GMDS: variants seen among roughly 807,000 people sequenced by gnomAD.
GMDS encodes GDP-mannose 4,6-dehydratase, also known as GDP-mannose 4,6 dehydratase.
A neutral mutation model predicts 49.9 loss-of-function variants in GMDS; 20 were observed. The observed-to-expected ratio is 0.40, with a 90% CI of 0.28 to 0.58. The LOEUF (loss-of-function observed/expected upper bound fraction) is 0.58, where lower values mean the gene tolerates loss of function less well. Among genes scored for constraint, GMDS ranks in the 20% least tolerant of loss-of-function variants. The pLI is 0.42. For synonymous variants in GMDS, 177 were observed against 178.6 expected, an observed-to-expected ratio of 0.99 and a Z score of 0.07; for missense variants, 362 against 481.4, an observed-to-expected ratio of 0.75 and a Z score of 2.32.
At chr6:2,028,694 C>A (rs1460176517) in intron 4 of GMDS, among the ~76,000 whole-genome samples, 1 of 152,178 alleles carries the variant, frequency 6.6e-6, no homozygotes, top group Admixed American at 6.5e-5. Flanking sequence ...ATGATAAGCA[C>A]AGTCTACAAA....
At chr6:1,996,467 G>C (rs1172952885) in intron 4 of GMDS, among the ~76,000 whole-genome samples, 2 of 152,214 alleles carry the variant, frequency 1.3e-5, no homozygotes, top group African/African-American at 2.4e-5. Flanking sequence ...AGAAAAGCTA[G>C]AGAAGTTTAA....
chr6:1,853,669 C>T (rs984533614), intron 7 of GMDS, among the ~76,000 whole-genome samples: 8 of 152,016 alleles, frequency 5.3e-5, no homozygotes, highest in Admixed American at 1.3e-4. Context: ...AGCCACAGAG[C>T]CTAATGAAAA....
rs559305380 is a variant in GMDS at position 1,830,650 on chromosome 6, A to ATGTAGT, written c.772-88070_772-88065dup. Among the ~76,000 whole-genome samples, 420 of 152,310 alleles carry ATGTAGT rather than the reference A, an allele frequency of 2.8e-3. 2 individuals carry two copies. The highest frequency in any genetic ancestry group is 9.6e-3 in the African/African-American group (401 of 41,560). On this transcript the variant is annotated intron_variant, in intron 7 of 10. Transcript: ENST00000380815. The stretch of plus-strand genomic sequence containing the variant: ...CCAACAATAACTACAGCAATAAATG[A>ATGTAGT]TGTAGTTGCTTTTGCCTAGAATGTA...
At chr6:1,884,418 G>A (rs780998499) in intron 7 of GMDS, among the ~76,000 whole-genome samples, 7 of 152,248 alleles carry the variant, frequency 4.6e-5, no homozygotes, top group African/African-American at 7.2e-5. Context: ...CTGGTGGTCA[G>A]CTATGTCTTC....
intron 7 of GMDS, among the ~76,000 whole-genome samples, chr6:1,850,064 C>T (rs75730987): frequency 0.028 from 4,292 of 152,220 alleles, 200 homozygotes; most frequent in African/African-American, 0.097. Context: ...ATCAGAGACA[C>T]CTTATTTTTC....
At chr6:1,643,769 A>AC (rs1763405610) in intron 9 of GMDS, among the ~76,000 whole-genome samples, 3 of 152,186 alleles carry the variant, frequency 2.0e-5, no homozygotes, top group Non-Finnish European at 4.4e-5. Context: ...CATTGATCAT[A>AC]TACTTTAAGT....
intron 1 of GMDS, chr6:2,175,826 A>G: frequency 1.5e-6 from 1 of 673,790 alleles, no homozygotes; most frequent in Non-Finnish European, 2.7e-6. Flanking sequence ...TGTTGTAAGC[A>G]CCTTATGCAT....
intron 7 of GMDS, among the ~76,000 whole-genome samples, chr6:1,826,736 C>T (rs1771128819): frequency 6.6e-6 from 1 of 152,024 alleles, no homozygotes. Flanking sequence ...CCAGTATGTA[C>T]AAAATGAAGT....
At chr6:2,098,333 C>T (rs1265785052) in intron 4 of GMDS, among the ~76,000 whole-genome samples, 10 of 152,214 alleles carry the variant, frequency 6.6e-5, no homozygotes. Flanking sequence ...GCTGGGATTA[C>T]AGGCGTAAGC....
intron 4 of GMDS, among the ~76,000 whole-genome samples, chr6:2,001,817 G>A (rs4412249): frequency 0.44 from 66,599 of 151,866 alleles, 14,763 homozygotes; most frequent in African/African-American, 0.48. Context: ...AATGGTGCAC[G>A]GACAACTGGA....
intron 4 of GMDS, among the ~76,000 whole-genome samples, chr6:2,048,708 A>C (rs1008402161): frequency 6.6e-6 from 1 of 152,222 alleles, no homozygotes; most frequent in African/African-American, 2.4e-5. Flanking sequence ...TCCTCTCAAT[A>C]ATGTTTTTCT....
intron 1 of GMDS, among the ~76,000 whole-genome samples, chr6:2,126,120 CTATT>C (rs563892185): frequency 2.0e-4 from 31 of 152,254 alleles, no homozygotes; most frequent in Admixed American, 1.0e-3. Flanking sequence ...TATAATTAAA[CTATT>C]TAATAGGTCA....
At chr6:1,658,978 T>A (rs1763978365) in intron 9 of GMDS, among the ~76,000 whole-genome samples, 1 of 152,024 alleles carries the variant, frequency 6.6e-6, no homozygotes, top group African/African-American at 2.4e-5. Flanking sequence ...CAGGTTTGAG[T>A]TTAATAGGAA....
intron 6 of GMDS, among the ~76,000 whole-genome samples, chr6:1,938,967 C>T (rs1762679084): frequency 7.7e-6 from 1 of 130,112 alleles, no homozygotes; most frequent in Non-Finnish European, 1.6e-5. Flanking sequence ...CCCCTCCCCT[C>T]CCCTCCCCTC....
intron 7 of GMDS, among the ~76,000 whole-genome samples, chr6:1,772,093 C>A (rs1003257563): frequency 6.6e-6 from 1 of 152,130 alleles, no homozygotes; most frequent in Admixed American, 6.5e-5. Flanking sequence ...GAAAACAGTA[C>A]AATAATGTGT....
intron 9 of GMDS, among the ~76,000 whole-genome samples, chr6:1,639,954 A>C (rs1763276907): frequency 6.6e-6 from 1 of 152,226 alleles, no homozygotes; most frequent in Non-Finnish European, 1.5e-5. Flanking sequence ...GGATGCCCTG[A>C]ACCTCACTGG....
At chr6:2,134,750 TAAGTC>T (rs1775910193) in intron 1 of GMDS, among the ~76,000 whole-genome samples, 1 of 152,230 alleles carries the variant, frequency 6.6e-6, no homozygotes, top group South Asian at 2.1e-4. Flanking sequence ...GTCATATAGT[TAAGTC>T]AACTATTTGA....
At chr6:2,069,496 G>A (rs1166819037) in intron 4 of GMDS, among the ~76,000 whole-genome samples, 3 of 151,826 alleles carry the variant, frequency 2.0e-5, no homozygotes, top group African/African-American at 4.8e-5. Flanking sequence ...CAGAATGGGA[G>A]AAAATTTTCG....
rs550311761 is a variant in GMDS, at chr6:2,072,020, A to G, written c.345+43751T>C. Among the ~76,000 whole-genome samples the G allele has an allele frequency of 1.5e-4, 23 of 152,314 alleles. No individual in the cohort carries two copies. The South Asian group carries it at 4.6e-3, about 30-fold the overall frequency. On this transcript the variant is annotated intron_variant, in intron 4 of 10. Coordinates refer to ENST00000380815, the MANE Select transcript of GMDS (RefSeq NM_001500.4). ...GTAGAACAATTCTTTATTAGCGAAG[A>G]AACCCACATGTGAGTAAGAGGGTTC...
Sources: allele counts gnomAD v4.1 joint callset (sites outside exome capture counted in the v4.1 genomes callset), GRCh38; gene constraint gnomAD v4.1.1; transcripts MANE v1.5; gene names NCBI Gene and HGNC (gene_info 2026-07-23, HGNC 2026-07-21).